CA12: variants seen among roughly 807,000 people sequenced by gnomAD.
The protein encoded by CA12 is carbonate dehydratase XII.
Under a neutral mutation model 46.8 loss-of-function variants are expected in CA12, and 36 were observed. The ratio of observed to expected loss-of-function variants is 0.77; its 90% confidence interval spans 0.59 to 1.02. The LOEUF (loss-of-function observed/expected upper bound fraction) is 1.02, where lower values mean the gene tolerates loss of function less well. Among genes scored for constraint, CA12 ranks in the 50% least tolerant of loss-of-function variants. CA12 has a pLI of 0.00. For synonymous variants in CA12, 202 were observed against 187.0 expected, an observed-to-expected ratio of 1.08 and a Z score of -0.65; for missense variants, 436 against 451.4, an observed-to-expected ratio of 0.97 and a Z score of 0.31.
chr15:63,346,431 GCTTCCAC>G, intron 3 of CA12, 92 bp downstream of exon 3: 1 of 512,166 alleles, frequency 2.0e-6, no homozygotes, highest in Non-Finnish European at 3.7e-6. Flanking sequence ...CCTCCTGGAT[GCTTCCAC>G]GGAACACCTC....
At chr15:63,351,285 A>G (rs2039227419) in intron 2 of CA12, among the ~76,000 whole-genome samples, 1 of 152,152 alleles carries the variant, frequency 6.6e-6, no homozygotes, top group Non-Finnish European at 1.5e-5. Context: ...GGCCCTCGCC[A>G]TGTCACACTG....
In CA12 at chr15:63,378,186, G is replaced by A. The variant is rs940919014; in HGVS notation, c.86-2508C>T. On this transcript the variant is annotated intron_variant, in intron 1 of 10. Transcript: ENST00000178638. This position sits in a 1 kb window ranked among gnomAD's most constrained non-coding sequence, Gnocchi z 4.8. ...GCAGATCGCCTGAGGTCAGGAGTTC[G>A]AGACCAGCCTGGCCAACATGGTGAA... Among the ~76,000 whole-genome samples, 7 of 152,114 alleles carry A rather than the reference G, an allele frequency of 4.6e-5. No individual in the cohort carries two copies. Among genetic ancestry groups the A allele is most frequent in the Non-Finnish European group, 8.8e-5 (6 of 68,028 alleles).
chr15:63,324,228 G>C lies in CA12; in HGVS notation c.*2057C>G, dbSNP rs1232692676. On this transcript the variant is annotated 3_prime_UTR_variant, in exon 11 of 11. Coordinates refer to ENST00000178638, the MANE Select transcript of CA12 (RefSeq NM_001218.5). ...AGGGCTGTGCTGAGCAGCAAGAGGA[G>C]AGGAGAAATGCCACTGTCTTGCACC... is the stretch of plus-strand genomic sequence containing the variant. The C allele has an allele frequency of 1.3e-5, 2 of 152,292 alleles. No individual in the cohort carries two copies. The highest frequency in any genetic ancestry group is 2.9e-5 in the Non-Finnish European group (2 of 68,082). 9.4% of individuals were successfully genotyped at this position (152,292 alleles called of 1,614,324 possible).
intron 2 of CA12, among the ~76,000 whole-genome samples, chr15:63,347,670 A>C (rs2039168787): frequency 6.6e-6 from 1 of 152,220 alleles, no homozygotes; most frequent in Admixed American, 6.5e-5. Flanking sequence ...AAAGTCTTTA[A>C]AGAATGTAAA....
At chr15:63,377,289 G>T (rs564788362) in intron 1 of CA12, among the ~76,000 whole-genome samples, 1 of 152,172 alleles carries the variant, frequency 6.6e-6, no homozygotes, top group South Asian at 2.1e-4. Context: ...CAGGGTCTCC[G>T]TGGTTCTCGA....
At chr15:63,336,380 G>T (rs1370404397) in intron 8 of CA12, among the ~76,000 whole-genome samples, 1 of 152,016 alleles carries the variant, frequency 6.6e-6, no homozygotes, top group Non-Finnish European at 1.5e-5. Flanking sequence ...GGTTACTTTT[G>T]GATGTCAGAG....
At chr15:63,351,015 G>T (rs1010779492) in intron 2 of CA12, among the ~76,000 whole-genome samples, 4 of 152,098 alleles carry the variant, frequency 2.6e-5, no homozygotes, top group Admixed American at 6.5e-5. Flanking sequence ...TAAGATTACC[G>T]AATCCAATTA....
intron 2 of CA12, 57 bp from the exon 3 acceptor site, chr15:63,346,766 A>T: frequency 3.2e-6 from 5 of 1,559,080 alleles, no homozygotes; most frequent in Non-Finnish European, 4.4e-6. Context: ...GATTTTCCTT[A>T]TCTTCTAATT....
At chr15:63,332,526 TG>T (rs2038949490) in intron 8 of CA12, among the ~76,000 whole-genome samples, 1 of 152,212 alleles carries the variant, frequency 6.6e-6, no homozygotes, top group African/African-American at 2.4e-5. Context: ...CACTCTAAGC[TG>T]TCTTCACTGT....
chr15:63,332,569 G>T (rs1244637340), intron 8 of CA12, among the ~76,000 whole-genome samples: 5 of 152,174 alleles, frequency 3.3e-5, no homozygotes, highest in Non-Finnish European at 7.3e-5. Flanking sequence ...TGGGACGGGG[G>T]CCTTTGATCC....
At position 63,331,170 on chromosome 15, in the gene CA12, C is replaced by T. The variant is rs2038933300; in HGVS notation, c.875-3040G>A. Among the ~76,000 whole-genome samples, 1 of 152,176 alleles carries T rather than the reference C, an allele frequency of 6.6e-6. No individual in the cohort carries two copies. Among genetic ancestry groups the T allele is most frequent in the Non-Finnish European group, 1.5e-5 (1 of 68,024 alleles). On this transcript the variant is annotated intron_variant, in intron 8 of 10. Coordinates refer to ENST00000178638, the MANE Select transcript of CA12 (RefSeq NM_001218.5). The surrounding 1 kb of genome is among the most constrained non-coding windows in gnomAD (Gnocchi z 5.3). ...AAATGGGCTTGAGTCCCATTGGAGG[C>T]AGATGCCAAAACATCTGTTATCTGA...
intron 2 of CA12, among the ~76,000 whole-genome samples, chr15:63,370,252 G>A (rs1316232350): frequency 6.6e-6 from 1 of 151,660 alleles, no homozygotes; most frequent in Non-Finnish European, 1.5e-5. Flanking sequence ...TTTGAGGCCA[G>A]GAGTTCAAGA....
Position 63,325,364 on chromosome 15 carries a change from A to G in CA12, c.*921T>C, listed in dbSNP as rs2038852267. 6.6e-6 allele frequency: 1 copy of G among 152,222 alleles called. No homozygotes were observed. The allele number at this position is 152,222 out of a possible 1,614,324, so 9.4% of individuals were successfully genotyped here. A position where few individuals can be genotyped will look rare whatever the true frequency, so the allele number is the denominator to read the frequency against. ...GGAACTCATGTCTCCTCCAGGACAC[A>G]GCAACAACACATTTTCAAGGAACAG... is the stretch of plus-strand genomic sequence containing the variant. On this transcript the variant is annotated 3_prime_UTR_variant, in exon 11 of 11. Coordinates refer to ENST00000178638, the MANE Select transcript of CA12 (RefSeq NM_001218.5). The surrounding 1 kb of genome is among the most constrained non-coding windows in gnomAD (Gnocchi z 4.9).
chr15:63,336,081 C>G (rs533169024), intron 8 of CA12, among the ~76,000 whole-genome samples: 1 of 152,354 alleles, frequency 6.6e-6, no homozygotes, highest in East Asian at 1.9e-4. Context: ...GAGGAGAAAG[C>G]TGGTCCCAAC....
At chr15:63,357,084 G>T (rs1400522768) in intron 2 of CA12, among the ~76,000 whole-genome samples, 1 of 152,124 alleles carries the variant, frequency 6.6e-6, no homozygotes, top group Non-Finnish European at 1.5e-5. Context: ...GCTGGGATAG[G>T]TCTTTTTATT....
chr15:63,356,248 C>T (rs891512974), intron 2 of CA12, among the ~76,000 whole-genome samples: 3 of 152,102 alleles, frequency 2.0e-5, no homozygotes, highest in Non-Finnish European at 4.4e-5. Context: ...CAAAAAATAG[C>T]TGGGCATGGT....
At chr15:63,352,267 G>T (rs1343969543) in intron 2 of CA12, among the ~76,000 whole-genome samples, 2 of 152,220 alleles carry the variant, frequency 1.3e-5, no homozygotes, top group African/African-American at 4.8e-5. Flanking sequence ...ATGTTGGCCA[G>T]GCTGGTCTCA....
At chr15:63,362,798 AC>A (rs1454783276) in intron 2 of CA12, among the ~76,000 whole-genome samples, 6 of 152,150 alleles carry the variant, frequency 3.9e-5, no homozygotes, top group Admixed American at 3.9e-4. Flanking sequence ...AACCACGAAA[AC>A]AAAAATCTTT....
At chr15:63,338,515 C>G (rs1003088391) in intron 8 of CA12, among the ~76,000 whole-genome samples, 26 of 152,166 alleles carry the variant, frequency 1.7e-4, no homozygotes, top group Non-Finnish European at 4.4e-5. Context: ...GGATCATTGT[C>G]TGGAACAGAG....
Sources: allele counts gnomAD v4.1 joint callset (sites outside exome capture counted in the v4.1 genomes callset), GRCh38; gene constraint gnomAD v4.1.1; non-coding constraint Gnocchi (gnomAD v3.1); transcripts MANE v1.5; gene names NCBI Gene and HGNC (gene_info 2026-07-23, HGNC 2026-07-21).